STRAP: variants seen among roughly 807,000 people sequenced by gnomAD.
STRAP encodes serine-threonine kinase receptor-associated protein.
A neutral mutation model predicts 47.0 loss-of-function variants in STRAP; 16 were observed. The observed-to-expected ratio is 0.34, with a 90% CI of 0.23 to 0.52. The LOEUF is 0.52. Ranked by LOEUF, STRAP falls within the 20% of genes least tolerant of loss-of-function variation. STRAP has a pLI of 0.96. For synonymous variants in STRAP, 130 were observed against 142.7 expected, an observed-to-expected ratio of 0.91 and a Z score of 0.63; for missense variants, 293 against 420.0, an observed-to-expected ratio of 0.70 and a Z score of 2.64.
At chr12:15,902,194 G>A (rs1948109561) in intron 9 of STRAP, among the ~76,000 whole-genome samples, 1 of 152,122 alleles carries the variant, frequency 6.6e-6, no homozygotes, top group African/African-American at 2.4e-5. Flanking sequence ...GGCTGGTCTT[G>A]AACTCCTGAC....
intron 1 of STRAP, 103 bp from the exon 2 acceptor site, chr12:15,883,437 AT>A: frequency 7.5e-7 from 1 of 1,338,750 alleles, no homozygotes; most frequent in Non-Finnish European, 1.0e-6. Context: ...AGCTGAAACA[AT>A]TTTTCCACTT....
intron 6 of STRAP, among the ~76,000 whole-genome samples, chr12:15,897,643 C>G (rs1948071188): frequency 6.6e-6 from 1 of 151,754 alleles, no homozygotes; most frequent in Non-Finnish European, 1.5e-5. Flanking sequence ...ACTGCATAAA[C>G]TGGATATCCC....
At chr12:15,893,760 A>G (rs1220282846) in intron 4 of STRAP, among the ~76,000 whole-genome samples, 1 of 151,214 alleles carries the variant, frequency 6.6e-6, no homozygotes, top group Non-Finnish European at 1.5e-5. Flanking sequence ...TTTGAATATT[A>G]TCAGTTGTGC....
intron 6 of STRAP, 96 bp downstream of exon 6, chr12:15,895,592 A>C: frequency 1.5e-6 from 2 of 1,350,626 alleles, no homozygotes; most frequent in Non-Finnish European, 2.0e-6. Flanking sequence ...TTAAAAGTAA[A>C]GAGGCCAGGA....
chr12:15,889,870 A>T, intron 2 of STRAP, 58 bp from the exon 3 acceptor site: 1 of 1,365,318 alleles, frequency 7.3e-7, no homozygotes, highest in Non-Finnish European at 1.0e-6. Flanking sequence ...AATTGTATTT[A>T]TCCTTTTAAT....
rs1374458618 is a variant in STRAP, at chr12:15,895,491, A to C, written c.633A>C (p.Ala211=). The C allele has an allele frequency of 6.3e-7, 1 of 1,596,480 alleles. No homozygotes were observed. The highest frequency in any genetic ancestry group is 8.5e-7 in the Non-Finnish European group (1 of 1,175,514). The part of the protein sequence containing the change: ...TYGRSIAFHS[A]VSLDPIKSFE... ...GACGATCTATTGCTTTTCATAGTGC[A>C]GTAAGGTATGTCCAAGAAATACTTT... Residue 211 remains alanine, a synonymous_variant, in exon 6 of 10, where the codon GCA becomes GCC. Transcript: ENST00000419869.
At chr12:15,895,862 G>GAAA (rs778939065) in intron 6 of STRAP, among the ~76,000 whole-genome samples, 2 of 61,712 alleles carry the variant, frequency 3.2e-5, no homozygotes, top group African/African-American at 1.2e-4. Flanking sequence ...AACCTCCTCT[G>GAAA]AAAAAAAAAA....
At position 15,895,503 on chromosome 12, in the gene STRAP, C is replaced by T. The variant is rs901893664; in HGVS notation, c.638+7C>T. ...CTTTTCATAGTGCAGTAAGGTATGT[C>T]CAAGAAATACTTTCATTTTCTTTTT... On this transcript the variant is annotated splice_region_variant and intron_variant, in intron 6 of 9. Coordinates refer to ENST00000419869, the MANE Select transcript of STRAP (RefSeq NM_007178.4). The T allele has an allele frequency of 2.0e-5, 32 of 1,579,992 alleles. No homozygotes were observed. The highest frequency in any genetic ancestry group is 2.7e-5 in the Non-Finnish European group (32 of 1,170,320).
At chr12:15,892,966 C>T (rs528660525) in intron 4 of STRAP, among the ~76,000 whole-genome samples, 5 of 152,214 alleles carry the variant, frequency 3.3e-5, no homozygotes, top group Non-Finnish European at 7.4e-5. Flanking sequence ...TACTGTGTAT[C>T]GGGTATCTGT....
intron 5 of STRAP, 60 bp from the exon 6 acceptor site, chr12:15,895,299 A>T (rs1948050655): frequency 7.7e-7 from 1 of 1,305,498 alleles, no homozygotes; most frequent in South Asian, 1.8e-5. Flanking sequence ...AGATGTAATT[A>T]GAATTTATAA....
chr12:15,895,244 G>A, intron 5 of STRAP, 115 bp from the exon 6 acceptor site: 1 of 851,666 alleles, frequency 1.2e-6, no homozygotes, highest in South Asian at 2.6e-5. Context: ...TGGAATGAAT[G>A]TTGTTTTTCT....
At chr12:15,895,332 C>T in intron 5 of STRAP, 27 bp from the exon 6 acceptor site, 1 of 1,488,892 alleles carries the variant, frequency 6.7e-7, no homozygotes, top group African/African-American at 1.5e-5. Context: ...CATGAGTAAA[C>T]ATCATATTTT....
At chr12:15,891,768 C>T (rs935469743) in intron 4 of STRAP, among the ~76,000 whole-genome samples, 11 of 152,108 alleles carry the variant, frequency 7.2e-5, no homozygotes, top group African/African-American at 2.4e-4. Flanking sequence ...CATGGTGAAA[C>T]CCCATCTCTA....
Position 15,887,686 on chromosome 12 carries a change from T to A in STRAP, c.249-2242T>A, listed in dbSNP as rs527290384. On this transcript the variant is annotated intron_variant, in intron 2 of 9. Transcript: ENST00000419869. The surrounding 1 kb of genome is among the most constrained non-coding windows in gnomAD (Gnocchi z 5.5). ...GTCACTCCAACTCTCTTCTCACCTT[T>A]GAATAGACACAGTCTAAGCAGAATC... 6.6e-6 allele frequency among the ~76,000 whole-genome samples: 1 copy of A among 152,314 alleles called. No individual in the cohort carries two copies. Among genetic ancestry groups the A allele is most frequent in the South Asian group, 2.1e-4 (1 of 4,832 alleles).
intron 2 of STRAP, among the ~76,000 whole-genome samples, chr12:15,888,390 CAGAG>C (rs1442888089): frequency 1.3e-5 from 2 of 152,030 alleles, no homozygotes; most frequent in Admixed American, 1.3e-4. Flanking sequence ...ATTGGAATGA[CAGAG>C]AGAGGAGCAA....
At chr12:15,893,518 TAC>T (rs1291944637) in intron 4 of STRAP, among the ~76,000 whole-genome samples, 1 of 147,114 alleles carries the variant, frequency 6.8e-6, no homozygotes, top group Non-Finnish European at 1.5e-5. Flanking sequence ...AATAAATATA[TAC>T]TTTTTATTTA....
At chr12:15,895,604 T>A in intron 6 of STRAP, 108 bp downstream of exon 6, 1 of 1,208,280 alleles carries the variant, frequency 8.3e-7, no homozygotes, top group Non-Finnish European at 1.1e-6. Flanking sequence ...AGGCCAGGAG[T>A]GGTGGCTTAT....
At chr12:15,899,554 T>C (rs1948086471) in intron 7 of STRAP, among the ~76,000 whole-genome samples, 1 of 152,222 alleles carries the variant, frequency 6.6e-6, no homozygotes, top group Non-Finnish European at 1.5e-5. Flanking sequence ...TTTTAGGATA[T>C]GGAAATTGGA....
Position 15,900,973 on chromosome 12 carries a change from C to T in STRAP, c.952C>T (p.Pro318Ser). The change falls in exon 9 of 10, where the codon CCA becomes TCA. Residue 318 changes from proline to serine, a missense_variant. Pro to Ser is a moderately conservative substitution (Grantham distance 74). This residue lies in a region of STRAP where 52 missense variants were observed against 45.0 expected (regional missense o/e 1.16). Transcript: ENST00000419869. ...PEEDSGELAK[P>S]KIGFPETTEE... ...AGAAGATAGTGGTGAGCTGGCAAAG[C>T]CAAAGATTGGTTTTCCAGAGACAAC... 6.3e-7 allele frequency: 1 copy of T among 1,595,158 alleles called. No individual in the cohort carries two copies. Among genetic ancestry groups the T allele is most frequent in the Non-Finnish European group, 8.5e-7 (1 of 1,170,864 alleles).
Sources: gnomAD v4.1 joint callset for allele counts (sites outside exome capture counted in the v4.1 genomes callset) on GRCh38, gnomAD v4.1.1 for gene constraint, gnomAD v4.1.1 regional missense constraint, Gnocchi (gnomAD v3.1) non-coding constraint, MANE v1.5 for transcripts, NCBI Gene and HGNC (gene_info 2026-07-23, HGNC 2026-07-21) for gene names.